DNER: variants seen among roughly 807,000 people sequenced by gnomAD.
DNER encodes delta and Notch-like epidermal growth factor-related receptor.
In DNER, 33 loss-of-function variants were observed where a neutral mutation model predicts 78.2. That is an observed-to-expected ratio of 0.42 (90% CI 0.32 to 0.56). The LOEUF is 0.56. Ranked by LOEUF, DNER falls within the 20% of genes least tolerant of loss-of-function variation. The probability of loss-of-function intolerance (pLI) is 0.11; values close to 1 mark genes in which losing one functional copy is unlikely to be tolerated. For missense variants in DNER, 918 were observed against 975.3 expected, an observed-to-expected ratio of 0.94 and a Z score of 0.78; for synonymous variants, 417 against 384.8, an observed-to-expected ratio of 1.08 and a Z score of -0.98.
chr2:229,500,339 T>C (rs1362135457), intron 6 of DNER, among the ~76,000 whole-genome samples: 1 of 152,146 alleles, frequency 6.6e-6, no homozygotes. Context: ...CACGATGAGA[T>C]ATCAAGTCAC....
chr2:229,514,613 T>C (rs1246042905), intron 5 of DNER, among the ~76,000 whole-genome samples: 1 of 152,248 alleles, frequency 6.6e-6, no homozygotes, highest in Non-Finnish European at 1.5e-5. Flanking sequence ...TAAGTCATTA[T>C]ACAAAATGGT....
intron 6 of DNER, among the ~76,000 whole-genome samples, chr2:229,488,259 G>A (rs781547170): frequency 1.1e-4 from 17 of 152,234 alleles, no homozygotes; most frequent in Admixed American, 2.0e-4. Flanking sequence ...CTACAAAGAA[G>A]TGCCCTTGAT....
chr2:229,373,330 C>A (rs375922187), intron 11 of DNER, among the ~76,000 whole-genome samples: 2 of 152,028 alleles, frequency 1.3e-5, no homozygotes, highest in Admixed American at 6.6e-5. Flanking sequence ...AAGTGGCCAA[C>A]AAACATGAAA....
chr2:229,622,156 T>C (rs990475760), intron 1 of DNER, among the ~76,000 whole-genome samples: 3 of 152,228 alleles, frequency 2.0e-5, no homozygotes, highest in African/African-American at 7.2e-5. Flanking sequence ...ACCTGACCTC[T>C]TTCCAGAAAG....
At chr2:229,518,020 A>G (rs907012778) in intron 5 of DNER, among the ~76,000 whole-genome samples, 1 of 152,236 alleles carries the variant, frequency 6.6e-6, no homozygotes, top group Non-Finnish European at 1.5e-5. Context: ...GTTTCATTAC[A>G]ATAGTTTGTT....
intron 5 of DNER, among the ~76,000 whole-genome samples, chr2:229,535,607 A>G (rs984687235): frequency 1.3e-5 from 2 of 152,080 alleles, no homozygotes; most frequent in South Asian, 2.1e-4. Flanking sequence ...AAGCCACTTG[A>G]CACCCCACAG....
At position 229,512,877 on chromosome 2, in the gene DNER, A is replaced by G. The variant is rs541493138; in HGVS notation, c.1053T>C (p.Asp351=). 25 of 1,614,164 alleles carry G rather than the reference A, an allele frequency of 1.5e-5. No individual in the cohort carries two copies. Among genetic ancestry groups the G allele is most frequent in the Non-Finnish European group, 2.0e-5 (24 of 1,180,006 alleles). ...TTTGGCAAGGTTTCCTCTGGCAAGCATCGTATTCTTCACAGAAAGTACCCA... is the reference window on the plus strand; with the variant it reads ...TTTGGCAAGGTTTCCTCTGGCAAGCGTCGTATTCTTCACAGAAAGTACCCA... ...QYVGTFCEEY[D]ACQRKPCQNN... The change falls in exon 6 of 13, where the codon GAT becomes GAC. Residue 351 remains aspartate, a synonymous_variant. Transcript: ENST00000341772.
intron 8 of DNER, among the ~76,000 whole-genome samples, chr2:229,436,586 T>C (rs757616934): frequency 6.6e-6 from 1 of 152,062 alleles, no homozygotes; most frequent in Non-Finnish European, 1.5e-5. Flanking sequence ...TCCATCAGAC[T>C]AACAGCAGAC....
intron 8 of DNER, among the ~76,000 whole-genome samples, chr2:229,423,533 T>C (rs1693808801): frequency 6.6e-6 from 1 of 151,300 alleles, no homozygotes; most frequent in Non-Finnish European, 1.5e-5. Context: ...ATGAATCACT[T>C]GAACCTGTGA....
chr2:229,668,660 C>T (rs1328711989), intron 1 of DNER, among the ~76,000 whole-genome samples: 1 of 145,154 alleles, frequency 6.9e-6, no homozygotes, highest in Non-Finnish European at 1.5e-5. Flanking sequence ...CAAATCAAAA[C>T]CACAATGAGA....
chr2:229,432,864 G>A (rs988606594), intron 8 of DNER, among the ~76,000 whole-genome samples: 4 of 152,136 alleles, frequency 2.6e-5, no homozygotes, highest in Non-Finnish European at 5.9e-5. Context: ...TCACAAATGC[G>A]GGGAAATGGT....
intron 1 of DNER, among the ~76,000 whole-genome samples, chr2:229,610,610 C>A (rs914739123): frequency 6.6e-6 from 1 of 152,166 alleles, no homozygotes; most frequent in Non-Finnish European, 1.5e-5. Flanking sequence ...GCGGTCCTTT[C>A]GTGATACTTA....
chr2:229,675,254 G>A (rs756009101), intron 1 of DNER, among the ~76,000 whole-genome samples: 3 of 152,194 alleles, frequency 2.0e-5, no homozygotes, highest in Non-Finnish European at 4.4e-5. Flanking sequence ...GGACTCATTA[G>A]AGGGAGAACT....
At chr2:229,450,294 T>C (rs1401774024) in intron 7 of DNER, among the ~76,000 whole-genome samples, 1 of 151,832 alleles carries the variant, frequency 6.6e-6, no homozygotes, top group African/African-American at 2.4e-5. Flanking sequence ...CTAGGGAGGG[T>C]CAAAGATAAG....
chr2:229,459,920 G>A (rs1431097877), intron 7 of DNER, among the ~76,000 whole-genome samples: 2 of 151,794 alleles, frequency 1.3e-5, no homozygotes, highest in Admixed American at 6.6e-5. Flanking sequence ...CACTTTGGGA[G>A]GCCGAAGCGG....
Position 229,440,618 on chromosome 2 carries a change from C to A in DNER, c.1486+6698G>T, listed in dbSNP as rs147181224. ...AGCATCCATACAATGGGAACTCTCT[C>A]TATATTTTTTCCCCTGGTTTCAGTC... On this transcript the variant is annotated intron_variant, in intron 8 of 12. Coordinates refer to ENST00000341772, the MANE Select transcript of DNER (RefSeq NM_139072.4). Among the ~76,000 whole-genome samples, 1,030 of 152,332 alleles carry A rather than the reference C, an allele frequency of 6.8e-3. 17 individuals carry two copies. Among genetic ancestry groups the A allele is most frequent in the African/African-American group, 0.023 (956 of 41,566 alleles).
At chr2:229,673,060 C>T (rs913969832) in intron 1 of DNER, among the ~76,000 whole-genome samples, 3 of 152,150 alleles carry the variant, frequency 2.0e-5, no homozygotes, top group Non-Finnish European at 4.4e-5. Context: ...ACATAAGAAA[C>T]CAGGAAAGCC....
chr2:229,531,207 T>G (rs1392230532), intron 5 of DNER, among the ~76,000 whole-genome samples: 1 of 152,192 alleles, frequency 6.6e-6, no homozygotes, highest in Non-Finnish European at 1.5e-5. Flanking sequence ...ATCAGCCACC[T>G]CCATCCAAAG....
intron 6 of DNER, among the ~76,000 whole-genome samples, chr2:229,507,101 T>C (rs1432473986): frequency 6.6e-6 from 1 of 152,206 alleles, no homozygotes; most frequent in Non-Finnish European, 1.5e-5. Context: ...TATATTTGTG[T>C]CTAAACATAA....
Sources: gnomAD v4.1 joint callset for allele counts (sites outside exome capture counted in the v4.1 genomes callset) on GRCh38, gnomAD v4.1.1 for gene constraint, MANE v1.5 for transcripts, NCBI Gene and HGNC (gene_info 2026-07-23, HGNC 2026-07-21) for gene names.